FAM180A: variants seen among roughly 807,000 people sequenced by gnomAD.
FAM180A encodes family with sequence similarity 180 member A.
Under a neutral mutation model 15.3 loss-of-function variants are expected in FAM180A, and 14 were observed. That is an observed-to-expected ratio of 0.92 (90% confidence interval 0.61 to 1.43). The LOEUF (loss-of-function observed/expected upper bound fraction) is 1.43, where lower values mean the gene tolerates loss of function less well. Ranked by LOEUF, FAM180A falls within the 40% of genes most tolerant of loss-of-function variation. The pLI is 0.00. For missense variants in FAM180A, 200 were observed against 220.8 expected (o/e 0.91, Z 0.60); for synonymous variants, 90 against 96.8 (o/e 0.93, Z 0.41).
chr7:135,734,173 G>A lies in FAM180A; in HGVS notation c.324C>T (p.Ser108=), dbSNP rs138966567. The change falls in exon 3 of 4, where the codon AGC becomes AGT. Residue 108 remains serine (S), a synonymous_variant. Transcript: ENST00000338588. ...PKSIPDIRRL[S]ASLSSHPGIL... is the part of the protein sequence containing the mutation. ...TGCCAGGGTGGCTGGAGAGGCTGGC[G>A]CTGAGCCGGCGGATGTCTGGGATGC... 4 of 1,614,186 alleles carry A rather than the reference G, an allele frequency of 2.5e-6. No homozygotes were observed. Among genetic ancestry groups the A allele is most frequent in the East Asian group, 2.2e-5 (1 of 44,880 alleles).
At chr7:135,734,407 G>A in intron 2 of FAM180A, 88 bp from the exon 3 acceptor site, 1 of 1,270,004 alleles carries the variant, frequency 7.9e-7, no homozygotes. Context: ...CCCTTAGGGA[G>A]GCAGCTGCCA....
rs144356511 is a variant in FAM180A at position 135,734,037 on chromosome 7, T to C, written c.460A>G (p.Ser154Gly). Residue 154 changes from serine (S) to glycine (G), a missense_variant, in exon 3 of 4, where the codon AGC (serine) becomes GGC (glycine). Transcript: ENST00000338588. Reference sequence around the variant, plus strand: ...TCGTGCCTCAGGGCCTGGAAGAGGCTAACGAGGGACTGCGCCCAGATGTCC... The same window carrying C: ...TCGTGCCTCAGGGCCTGGAAGAGGCCAACGAGGGACTGCGCCCAGATGTCC... ...QKDIWAQSLV[S>G]LFQALRHDLM... is the part of the protein sequence containing the mutation. 2.5e-6 allele frequency: 4 copies of C among 1,614,080 alleles called. No individual in the cohort carries two copies. In the African/African-American group the frequency reaches 5.3e-5, roughly 22 times the overall value.
At position 135,748,770 on chromosome 7, in the gene FAM180A, G is replaced by A. The variant is rs1797067012; in HGVS notation, c.-190C>T. On this transcript the variant is annotated 5_prime_UTR_variant, in exon 1 of 4. Coordinates refer to ENST00000338588, the MANE Select transcript of FAM180A (RefSeq NM_205855.4). ...AGGCTGCGTCCTGGGTGGGACAGGAGTCGGTACCTCTCTTCATTTGACGCT... is the reference window on the plus strand; with the variant it reads ...AGGCTGCGTCCTGGGTGGGACAGGAATCGGTACCTCTCTTCATTTGACGCT... 1.3e-5 allele frequency: 8 copies of A among 593,442 alleles called. No individual in the cohort carries two copies. Among genetic ancestry groups the A allele is most frequent in the East Asian group, 1.1e-4 (4 of 35,000 alleles). 36.8% of individuals were successfully genotyped at this position (593,442 alleles called of 1,614,324 possible). A position where few individuals can be genotyped will look rare whatever the true frequency, so the allele number is the denominator to read the frequency against.
intron 1 of FAM180A, among the ~76,000 whole-genome samples, chr7:135,740,050 A>G (rs1460183719): frequency 6.6e-6 from 1 of 152,228 alleles, no homozygotes; most frequent in Non-Finnish European, 1.5e-5. Flanking sequence ...CAGGTATTTC[A>G]GCAGAGTTTA....
chr7:135,735,283 T>A (rs1796855141), intron 2 of FAM180A, among the ~76,000 whole-genome samples: 1 of 152,194 alleles, frequency 6.6e-6, no homozygotes, highest in Non-Finnish European at 1.5e-5. Flanking sequence ...ACAATATATT[T>A]ATTTGGGTAT....
intron 3 of FAM180A, among the ~76,000 whole-genome samples, chr7:135,731,194 C>T (rs746350308): frequency 1.8e-4 from 28 of 151,990 alleles, no homozygotes; most frequent in Non-Finnish European, 3.4e-4. Context: ...AGTGGAGCCT[C>T]GGGGCGGGAT....
chr7:135,737,173 GC>G lies in FAM180A; in HGVS notation c.102del (p.Pro35GlnfsTer9), dbSNP rs1287358810. ...SRAVLFPAAH[R>X]PKRSSSLPLN... ...AATGGCAGTGATGAGGACCTCTTTG[GC>G]CGGTGGGCGGCAGGGAAGAGCACAG... On this transcript the variant is annotated frameshift_variant, in exon 2 of 4. Transcript: ENST00000338588. LOFTEE classifies it high-confidence loss of function. 1 of 1,608,126 alleles carries G rather than the reference GC, an allele frequency of 6.2e-7. No individual in the cohort carries two copies. Among genetic ancestry groups the G allele is most frequent in the Non-Finnish European group, 8.5e-7 (1 of 1,178,080 alleles).
intron 3 of FAM180A, among the ~76,000 whole-genome samples, chr7:135,732,199 C>T (rs1796793116): frequency 6.6e-6 from 1 of 152,164 alleles, no homozygotes; most frequent in South Asian, 2.1e-4. Context: ...AATAGCCTGA[C>T]AGTGAGGGAG....
At chr7:135,737,586 C>CAAAAAAAAAAAAAAAA (rs35378393) in intron 1 of FAM180A, among the ~76,000 whole-genome samples, 9 of 82,360 alleles carry the variant, frequency 1.1e-4, no homozygotes, top group African/African-American at 1.3e-4. Flanking sequence ...GACTCCATGT[C>CAAAAAAAAAAAAAAAA]AAAAAAAAAA....
chr7:135,731,806 A>G (rs1471471603), intron 3 of FAM180A, among the ~76,000 whole-genome samples: 3 of 152,246 alleles, frequency 2.0e-5, no homozygotes, highest in Non-Finnish European at 4.4e-5. Flanking sequence ...TCATGCGGCT[A>G]GCACTGCTAT....
intron 1 of FAM180A, among the ~76,000 whole-genome samples, chr7:135,738,250 G>A (rs1435069995): frequency 6.6e-6 from 1 of 152,222 alleles, no homozygotes; most frequent in Admixed American, 6.5e-5. Context: ...GGAGTGCAGT[G>A]GCACGATCTT....
intron 2 of FAM180A, 48 bp downstream of exon 2, chr7:135,737,051 G>T: frequency 7.0e-7 from 1 of 1,434,436 alleles, no homozygotes; most frequent in Non-Finnish European, 9.7e-7. Flanking sequence ...TAGAGAAAGT[G>T]CAGAGTCTTT....
rs561808080 is a variant in FAM180A, at chr7:135,748,756, T to C, written c.-176A>G. The C allele has an allele frequency of 6.4e-5, 40 of 622,788 alleles. 1 individual carries two copies. Among genetic ancestry groups the C allele is most frequent in the Middle Eastern group, 8.3e-4 (2 of 2,418 alleles). The allele number at this position is 622,788 out of a possible 1,614,324, so 38.6% of individuals were successfully genotyped here. A position where few individuals can be genotyped will look rare whatever the true frequency, so the allele number is the denominator to read the frequency against. On this transcript the variant is annotated 5_prime_UTR_variant, in exon 1 of 4. Transcript: ENST00000338588. The stretch of plus-strand genomic sequence containing the variant: ...AGGCTGGAGGCTGAAGGCTGCGTCC[T>C]GGGTGGGACAGGAGTCGGTACCTCT...
intron 3 of FAM180A, among the ~76,000 whole-genome samples, chr7:135,732,167 G>T (rs531434240): frequency 2.6e-5 from 4 of 152,210 alleles, no homozygotes; most frequent in Non-Finnish European, 5.9e-5. Flanking sequence ...AGTTACATTG[G>T]TAACAAAGAA....
intron 2 of FAM180A, 78 bp from the exon 3 acceptor site, chr7:135,734,397 C>T (rs1417132800): frequency 8.0e-6 from 11 of 1,367,800 alleles, no homozygotes; most frequent in Non-Finnish European, 7.9e-6. Context: ...CACGCACCTT[C>T]CCTTAGGGAG....
intron 1 of FAM180A, among the ~76,000 whole-genome samples, chr7:135,747,935 C>T (rs184171714): frequency 6.6e-6 from 1 of 152,268 alleles, no homozygotes; most frequent in South Asian, 2.1e-4. Context: ...AAGAGAACAG[C>T]CTTTGCTGGG....
chr7:135,736,480 C>G (rs916052866), intron 2 of FAM180A, among the ~76,000 whole-genome samples: 1 of 152,202 alleles, frequency 6.6e-6, no homozygotes, highest in Non-Finnish European at 1.5e-5. Context: ...CAAGGTGGCA[C>G]AGCGGACGGG....
Position 135,734,153 on chromosome 7 carries a change from G to A in FAM180A, c.344C>T (p.Pro115Leu). 1 of 1,614,174 alleles carries A rather than the reference G, an allele frequency of 6.2e-7. No individual in the cohort carries two copies. The highest frequency in any genetic ancestry group is 8.5e-7 in the Non-Finnish European group (1 of 1,180,040). ...RRLSASLSSH[P>L]GILKKEDFER... ...AAAGTCTTCTTTCTTGAGGATGCCA[G>A]GGTGGCTGGAGAGGCTGGCGCTGAG... The change falls in exon 3 of 4, where the codon CCT becomes CTT. Residue 115 changes from proline to leucine, a missense_variant. Transcript: ENST00000338588.
At position 135,730,188 on chromosome 7, in the gene FAM180A, C is replaced by T; in HGVS notation, c.*423G>A. On this transcript the variant is annotated 3_prime_UTR_variant, in exon 4 of 4. Transcript: ENST00000338588. ...GCAGCAGTTAAATGTCTGTTGATGT[C>T]TCTTGAGTGACATTGGAGATAGCTG... The T allele has an allele frequency of 2.0e-6, 2 of 985,366 alleles. No homozygotes were observed. The highest frequency in any genetic ancestry group is 9.4e-5 in the South Asian group (2 of 21,282). 61.0% of individuals were successfully genotyped at this position (985,366 alleles called of 1,614,324 possible).
Sources: allele counts gnomAD v4.1 joint callset (sites outside exome capture counted in the v4.1 genomes callset), GRCh38; gene constraint gnomAD v4.1.1; transcripts MANE v1.5; gene names NCBI Gene and HGNC (gene_info 2026-07-23, HGNC 2026-07-21).